Variants in RALGAPA1 observed in about 807,000 individuals in gnomAD.
The protein encoded by RALGAPA1 is Ral GTPase activating protein catalytic subunit alpha 1.
Under a neutral mutation model 269.6 loss-of-function variants are expected in RALGAPA1, and 52 were observed. That is an observed-to-expected ratio of 0.19 (90% confidence interval 0.15 to 0.24). The LOEUF is 0.24. Ranked by LOEUF, RALGAPA1 falls within the 10% of genes least tolerant of loss-of-function variation. RALGAPA1 has a pLI of 1.00. For synonymous variants in RALGAPA1, 817 were observed against 1,008.3 expected (o/e 0.81, Z 3.60); for missense variants, 1,917 against 3,013.9 (o/e 0.64, Z 8.52).
chr14:35,715,732 A>C, intron 16 of RALGAPA1: 1 of 985,402 alleles, frequency 1.0e-6, no homozygotes, highest in Non-Finnish European at 1.2e-6. Context: ...ATCCTTCTCA[A>C]GATAACCAAT....
Position 35,654,462 on chromosome 14 carries a change from C to A in RALGAPA1, c.5512G>T (p.Val1838Leu). 6.3e-7 allele frequency: 1 copy of A among 1,597,028 alleles called. No individual in the cohort carries two copies. The highest frequency in any genetic ancestry group is 1.8e-5 in the Admixed American group (1 of 55,372). The change falls in exon 30 of 42, where the codon GTA becomes TTA. Residue 1838 changes from valine (V) to leucine (L), a missense_variant. Transcript: ENST00000680220. ...CVSLKFTNKT[V>L]AHVACNMLHM... ...AGCATGTTACAAGCTACGTGGGCTA[C>A]TGTTTTATTAGTAAACTGCAATAAT...
chr14:35,694,302 A>G (rs1376127970), intron 17 of RALGAPA1, among the ~76,000 whole-genome samples: 4 of 152,318 alleles, frequency 2.6e-5, no homozygotes, highest in African/African-American at 4.8e-5. Context: ...CCCTAAATTC[A>G]TAATATCATT....
At chr14:35,542,611 T>TA (rs1346997622) in intron 41 of RALGAPA1, 2 of 152,242 alleles carry the variant, frequency 1.3e-5, no homozygotes, top group African/African-American at 4.8e-5. Flanking sequence ...ATTTTAGATG[T>TA]AAAAAATGTA....
intron 18 of RALGAPA1, among the ~76,000 whole-genome samples, chr14:35,687,797 A>C (rs1278315552): frequency 6.6e-6 from 1 of 152,218 alleles, no homozygotes; most frequent in African/African-American, 2.4e-5. Flanking sequence ...AAGTAATTAA[A>C]GTGTTTCAAG....
chr14:35,570,072 C>A (rs1378689767), intron 39 of RALGAPA1, among the ~76,000 whole-genome samples: 4 of 151,286 alleles, frequency 2.6e-5, no homozygotes, highest in Non-Finnish European at 5.9e-5. Context: ...GAGTTCGAGA[C>A]CAGCCTGGCC....
chr14:35,548,392 G>C (rs553577797), intron 41 of RALGAPA1, 116 bp downstream of exon 41: 1 of 639,856 alleles, frequency 1.6e-6, no homozygotes, highest in East Asian at 3.0e-5. Flanking sequence ...TGTTTAGTAT[G>C]AACCGGACAG....
rs189241253 is a variant in RALGAPA1, at chr14:35,744,501, G to A, written c.1252-1936C>T. Among the ~76,000 whole-genome samples the A allele has an allele frequency of 1.3e-3, 195 of 151,968 alleles. 4 individuals are homozygous for A. In the East Asian group the frequency reaches 0.034, roughly 26 times the overall value. On this transcript the variant is annotated intron_variant, in intron 10 of 41. Transcript: ENST00000680220. ...ACTTTCTATTATAGAGTTATCAGTA[G>A]ATGTATTAAATAATAATCACGTGGT...
intron 36 of RALGAPA1, among the ~76,000 whole-genome samples, chr14:35,596,407 C>T (rs527654597): frequency 6.6e-6 from 1 of 151,688 alleles, no homozygotes; most frequent in East Asian, 1.9e-4. Context: ...TGTACAGAAG[C>T]CAAGAATTTG....
intron 37 of RALGAPA1, among the ~76,000 whole-genome samples, chr14:35,585,254 G>A (rs975523840): frequency 1.3e-5 from 2 of 151,956 alleles, no homozygotes; most frequent in Admixed American, 6.6e-5. Flanking sequence ...ATACACCTTC[G>A]GAAATTCAAA....
chr14:35,662,826 C>A (rs911250686), intron 27 of RALGAPA1, among the ~76,000 whole-genome samples: 2 of 151,926 alleles, frequency 1.3e-5, no homozygotes, highest in Non-Finnish European at 2.9e-5. Context: ...ATAGCTATTA[C>A]ATCTTTGAAG....
At chr14:35,726,863 T>G (rs72642584) in intron 13 of RALGAPA1, among the ~76,000 whole-genome samples, 16,947 of 152,078 alleles carry the variant, frequency 0.11, 1,557 homozygotes, top group East Asian at 0.37. Context: ...AAACCGTAGT[T>G]CAAATCTCTG....
At chr14:35,568,509 T>C (rs2056896055) in intron 39 of RALGAPA1, among the ~76,000 whole-genome samples, 1 of 152,144 alleles carries the variant, frequency 6.6e-6, no homozygotes, top group Non-Finnish European at 1.5e-5. Flanking sequence ...AAAAAGATAC[T>C]GTATCTAGGG....
intron 2 of RALGAPA1, among the ~76,000 whole-genome samples, 189 bp downstream of exon 2, chr14:35,775,446 G>C (rs763503245): frequency 6.6e-6 from 1 of 152,136 alleles, no homozygotes; most frequent in Non-Finnish European, 1.5e-5. Flanking sequence ...AAGTAATAAG[G>C]ATAGTAATAC....
intron 36 of RALGAPA1, among the ~76,000 whole-genome samples, chr14:35,599,599 T>A (rs2059151023): frequency 6.6e-6 from 1 of 151,868 alleles, no homozygotes; most frequent in Non-Finnish European, 1.5e-5. Flanking sequence ...ACAAAAAAAA[T>A]TAGCTGGGTG....
chr14:35,798,386 A>AG (rs2076730556), intron 1 of RALGAPA1, among the ~76,000 whole-genome samples: 1 of 151,904 alleles, frequency 6.6e-6, no homozygotes, highest in Non-Finnish European at 1.5e-5. Flanking sequence ...ATTGTTGCCC[A>AG]GGCTGGTCTC....
chr14:35,748,174 CACAA>C (rs1287849742), intron 10 of RALGAPA1, among the ~76,000 whole-genome samples: 2 of 151,618 alleles, frequency 1.3e-5, no homozygotes, highest in Non-Finnish European at 2.9e-5. Context: ...CTAAAAGTAT[CACAA>C]ACTAAAATAT....
At chr14:35,615,597 A>G (rs947213713) in intron 35 of RALGAPA1, among the ~76,000 whole-genome samples, 7 of 152,178 alleles carry the variant, frequency 4.6e-5, no homozygotes, top group Non-Finnish European at 7.4e-5. Flanking sequence ...TAAAAAGCAA[A>G]CAAATAAATG....
At chr14:35,674,054 C>T (rs553891347) in intron 24 of RALGAPA1, 126 bp downstream of exon 24, 11 of 654,164 alleles carry the variant, frequency 1.7e-5, no homozygotes, top group Admixed American at 2.9e-5. Flanking sequence ...TGCCTAATGA[C>T]TTCCTAAGGA....
rs1026460748 is a variant in RALGAPA1, at chr14:35,799,422, C to T, written c.106+9308G>A. Among the ~76,000 whole-genome samples, 5 of 151,798 alleles carry T rather than the reference C, an allele frequency of 3.3e-5. No homozygotes were observed. The South Asian group carries it at 6.2e-4, about 19-fold the overall frequency. ...ACTAAAAATACAAAAATAAGCTGGGCGTGGCAATGCGTGCCTGTAATCCCA... is the reference window on the plus strand; with the variant it reads ...ACTAAAAATACAAAAATAAGCTGGGTGTGGCAATGCGTGCCTGTAATCCCA... On this transcript the variant is annotated intron_variant, in intron 1 of 41. Coordinates refer to ENST00000680220, the MANE Select transcript of RALGAPA1 (RefSeq NM_001346249.2).
Sources: gnomAD v4.1 joint callset for allele counts (sites outside exome capture counted in the v4.1 genomes callset) on GRCh38, gnomAD v4.1.1 for gene constraint, MANE v1.5 for transcripts, NCBI Gene and HGNC (gene_info 2026-07-23, HGNC 2026-07-21) for gene names.